Variants in RBM19 observed in about 807,000 individuals in gnomAD.
The protein encoded by RBM19 is probable RNA-binding protein 19.
A neutral mutation model predicts 116.8 loss-of-function variants in RBM19; 94 were observed. That is an observed-to-expected ratio of 0.80 (90% confidence interval 0.68 to 0.95). The LOEUF (loss-of-function observed/expected upper bound fraction) is 0.95. Among genes scored for constraint, RBM19 ranks in the 40% least tolerant of loss-of-function variants. RBM19 has a pLI of 0.00. For synonymous variants in RBM19, 475 were observed against 494.1 expected (o/e 0.96, Z 0.51); for missense variants, 1,161 against 1,220.7 (o/e 0.95, Z 0.73).
At chr12:113,856,438 G>A (rs1877908605) in intron 22 of RBM19, among the ~76,000 whole-genome samples, 1 of 152,212 alleles carries the variant, frequency 6.6e-6, no homozygotes, top group African/African-American at 2.4e-5. Context: ...CTCATGGCTG[G>A]GGCCCAGCCC....
At position 113,959,791 on chromosome 12, in the gene RBM19, T is replaced by C. The variant is rs1353485860; in HGVS notation, c.378+74A>G. On this transcript the variant is annotated intron_variant, in intron 4 of 23. Coordinates refer to ENST00000261741, the MANE Select transcript of RBM19 (RefSeq NM_016196.4). The stretch of plus-strand genomic sequence containing the variant: ...CTAGCCTCCACCCTCTCCCAGCCTC[T>C]ACCCTCTCCAGTCTCCACCCTCTTC... 1.9e-5 allele frequency: 30 copies of C among 1,553,598 alleles called. No homozygotes were observed. In the Admixed American group the frequency reaches 2.7e-4, roughly 14 times the overall value.
chr12:113,942,262 G>T, intron 14 of RBM19, 62 bp downstream of exon 14: 1 of 1,429,638 alleles, frequency 7.0e-7, no homozygotes, highest in East Asian at 2.3e-5. Context: ...CATCTCCCCT[G>T]GAAAGGCCAT....
At chr12:113,861,848 T>A (rs1374620379) in intron 21 of RBM19, among the ~76,000 whole-genome samples, 1 of 152,082 alleles carries the variant, frequency 6.6e-6, no homozygotes, top group Non-Finnish European at 1.5e-5. Context: ...GAGCTGGGGA[T>A]CCCATCCCAG....
At chr12:113,870,953 G>T (rs1249396584) in intron 21 of RBM19, among the ~76,000 whole-genome samples, 1 of 152,186 alleles carries the variant, frequency 6.6e-6, no homozygotes, top group Non-Finnish European at 1.5e-5. Context: ...CTCTATGACA[G>T]GGGCCCTCCA....
chr12:113,863,705 G>A (rs1377678924), intron 21 of RBM19, among the ~76,000 whole-genome samples: 1 of 152,208 alleles, frequency 6.6e-6, no homozygotes, highest in African/African-American at 2.4e-5. Flanking sequence ...AGAAAAGAAA[G>A]TCTGCTGCCA....
chr12:113,827,767 T>C (rs1411452682), intron 23 of RBM19, among the ~76,000 whole-genome samples: 1 of 151,948 alleles, frequency 6.6e-6, no homozygotes, highest in Admixed American at 6.6e-5. Context: ...GGGTGCTAGA[T>C]GCAGGGTGCT....
intron 21 of RBM19, among the ~76,000 whole-genome samples, chr12:113,906,912 C>T (rs1566008699): frequency 6.6e-6 from 1 of 152,006 alleles, no homozygotes; most frequent in Admixed American, 6.5e-5. Flanking sequence ...GTGTCCTTAT[C>T]GGGAGAAGGC....
Position 113,884,296 on chromosome 12 carries a change from TATACAC to T in RBM19, c.2559-25406_2559-25401del, listed in dbSNP as rs1289771406. On this transcript the variant is annotated intron_variant, in intron 21 of 23. Transcript: ENST00000261741. ...AGACAATATCTCAAAAAAAAAAAAG[TATACAC>T]ACACACACACACACACACACACACA... Among the ~76,000 whole-genome samples the T allele has an allele frequency of 3.6e-3, 296 of 81,536 alleles. 2 individuals are homozygous for T. Among genetic ancestry groups the T allele is most frequent in the African/African-American group, 0.021 (280 of 13,262 alleles). The allele number at this position is 81,536 out of a possible 152,430, so 53.5% of individuals were successfully genotyped here.
chr12:113,954,410 T>C (rs935695740), intron 7 of RBM19, among the ~76,000 whole-genome samples: 4 of 152,126 alleles, frequency 2.6e-5, no homozygotes, highest in Non-Finnish European at 5.9e-5. Flanking sequence ...GATACAAGTG[T>C]GTTGGCCAGG....
chr12:113,847,308 T>C (rs890414), intron 22 of RBM19, among the ~76,000 whole-genome samples: 10,680 of 152,226 alleles, frequency 0.07, 669 homozygotes, highest in East Asian at 0.34. Context: ...TGCTGTTCTG[T>C]GAAGGACCAG....
intron 13 of RBM19, among the ~76,000 whole-genome samples, chr12:113,942,980 C>T (rs774365481): frequency 1.4e-4 from 21 of 152,128 alleles, no homozygotes; most frequent in Admixed American, 6.5e-4. Flanking sequence ...CTCCTGCACT[C>T]CCTCCCCTCA....
intron 21 of RBM19, among the ~76,000 whole-genome samples, chr12:113,887,271 A>G (rs976546092): frequency 1.3e-5 from 2 of 152,064 alleles, no homozygotes; most frequent in South Asian, 4.2e-4. Flanking sequence ...AAATTTGACA[A>G]TCTCTGATCT....
At chr12:113,872,407 CTCCG>C (rs1879297703) in intron 21 of RBM19, among the ~76,000 whole-genome samples, 1 of 148,366 alleles carries the variant, frequency 6.7e-6, no homozygotes, top group Non-Finnish European at 1.5e-5. Context: ...GGGGTCAGCC[CTCCG>C]CCCGGCCAGC....
At chr12:113,948,749 T>A in intron 10 of RBM19, 84 bp downstream of exon 10, 18 of 1,386,582 alleles carry the variant, frequency 1.3e-5, no homozygotes, top group East Asian at 7.3e-5. Context: ...GTGTGCACAC[T>A]GGGACTTGAA....
intron 6 of RBM19, 73 bp from the exon 7 acceptor site, chr12:113,955,284 G>C: frequency 7.0e-7 from 1 of 1,428,918 alleles, no homozygotes. Context: ...GGCACACTGG[G>C]ACATTTCAGT....
downstream of RBM19, among the ~76,000 whole-genome samples, chr12:113,818,842 ACC>A (rs1338196894): frequency 6.6e-6 from 1 of 151,438 alleles, no homozygotes; most frequent in African/African-American, 2.4e-5. Context: ...ACTGTCCCTC[ACC>A]CCTGTCTGTT....
downstream of RBM19, among the ~76,000 whole-genome samples, chr12:113,821,434 G>A (rs931438231): frequency 6.6e-6 from 1 of 152,182 alleles, no homozygotes; most frequent in Non-Finnish European, 1.5e-5. Flanking sequence ...ACACGATCCA[G>A]CTCACAGATC....
At chr12:113,928,974 A>G (rs1351476984) in intron 16 of RBM19, among the ~76,000 whole-genome samples, 1 of 151,966 alleles carries the variant, frequency 6.6e-6, no homozygotes, top group Non-Finnish European at 1.5e-5. Context: ...CTGTGCCTTC[A>G]CACCCCTCAC....
chr12:113,913,878 A>G (rs1047874793), intron 21 of RBM19, among the ~76,000 whole-genome samples: 3 of 152,182 alleles, frequency 2.0e-5, no homozygotes, highest in Non-Finnish European at 2.9e-5. Flanking sequence ...AGCCTCAACA[A>G]TGTGTTTAGG....
Sources: allele counts gnomAD v4.1 joint callset (sites outside exome capture counted in the v4.1 genomes callset), GRCh38; gene constraint gnomAD v4.1.1; transcripts MANE v1.5; gene names NCBI Gene and HGNC (gene_info 2026-07-23, HGNC 2026-07-21).